Variants in MYH4 observed in about 807,000 individuals in gnomAD.
MYH4 encodes myosin heavy chain 4, also known as myosin-4.
In MYH4, 200 loss-of-function variants were observed where a neutral mutation model predicts 229.9. The ratio of observed to expected loss-of-function variants is 0.87; its 90% CI spans 0.78 to 0.98. The LOEUF is 0.98. Among genes scored for constraint, MYH4 ranks in the 50% least tolerant of loss-of-function variants. The pLI is 0.00. For missense variants in MYH4, 2,148 were observed against 2,332.6 expected, an observed-to-expected ratio of 0.92 and a Z score of 1.63; for synonymous variants, 761 against 834.6, an observed-to-expected ratio of 0.91 and a Z score of 1.52.
Position 10,459,403 on chromosome 17 carries a change from G to C in MYH4, c.1435C>G (p.Leu479Val). ...TTCTCGTTGGTGAAGTTGATGCACAGCTGCTCCAGGCTGTTGAACTACAGA... is the reference window on the plus strand; with the variant it reads ...TTCTCGTTGGTGAAGTTGATGCACACCTGCTCCAGGCTGTTGAACTACAGA... Reference protein sequence around the residue: ...EIFDFNSLEQLCINFTNEKLQ... With the variant: ...EIFDFNSLEQVCINFTNEKLQ... The change falls in exon 15 of 40, where the codon CTG becomes GTG. Residue 479 changes from leucine to valine, a missense_variant. By Grantham distance (32) the Leu-to-Val change is conservative. Coordinates refer to ENST00000255381, the MANE Select transcript of MYH4 (RefSeq NM_017533.2). 6.2e-7 allele frequency: 1 copy of C among 1,614,134 alleles called. No individual in the cohort carries two copies. Among genetic ancestry groups the C allele is most frequent in the African/African-American group, 1.3e-5 (1 of 75,034 alleles).
chr17:10,448,579 C>T lies in MYH4; in HGVS notation c.4531+39G>A, dbSNP rs573607451. The T allele has an allele frequency of 5.0e-5, 81 of 1,610,710 alleles. No homozygotes were observed. The East Asian group carries it at 1.8e-3, about 35-fold the overall frequency. ...AGAAAGAAAAATTGAAAAGATGTCT[C>T]CCTACCATTTTTGAAATAGAATGAT... On this transcript the variant is annotated intron_variant, in intron 32 of 39. Coordinates refer to ENST00000255381, the MANE Select transcript of MYH4 (RefSeq NM_017533.2).
chr17:10,448,638 C>T lies in MYH4; in HGVS notation c.4511G>A (p.Arg1504Gln), dbSNP rs372199278. The T allele has an allele frequency of 1.8e-5, 29 of 1,613,856 alleles. No individual in the cohort carries two copies. Among genetic ancestry groups the T allele is most frequent in the South Asian group, 6.6e-5 (6 of 91,064 alleles). Residue 1504 changes from arginine (R) to glutamine (Q), a missense_variant, in exon 32 of 40, where the codon CGA becomes CAA. Arg to Gln is a conservative substitution (Grantham distance 43, BLOSUM62 1). Coordinates refer to ENST00000255381, the MANE Select transcript of MYH4 (RefSeq NM_017533.2). The part of the protein sequence containing the change: ...ESLDHLETLK[R>Q]ENKNLQQEIS... ...CTCACGTTGTAAGTTCTTATTCTCTCGCTTTAGAGTTTCAAGATGATCCAG... is the reference window on the plus strand; with the variant it reads ...CTCACGTTGTAAGTTCTTATTCTCTTGCTTTAGAGTTTCAAGATGATCCAG...
intron 27 of MYH4, 126 bp from the exon 28 acceptor site, chr17:10,451,578 G>A (rs1247723706): frequency 3.7e-6 from 4 of 1,080,696 alleles, no homozygotes; most frequent in South Asian, 3.5e-5. Flanking sequence ...ATCTTGCATG[G>A]TGGCTATAAA....
In MYH4 at chr17:10,448,984, A is replaced by C; in HGVS notation, c.4245T>G (p.Cys1415Trp). 1 of 1,614,170 alleles carries C rather than the reference A, an allele frequency of 6.2e-7. No homozygotes were observed. The highest frequency in any genetic ancestry group is 1.3e-5 in the African/African-American group (1 of 75,062). Residue 1415 changes from cysteine (C) to tryptophan (W), a missense_variant, in exon 31 of 40, where the codon TGT becomes TGG. By Grantham distance (215) the Cys-to-Trp change is radical. Transcript: ENST00000255381. ...TCTGCTTTGTCTTTTCAAGAGAAGCACATTTGGAATTCACAGCTTCTACAT... is the reference window on the plus strand; with the variant it reads ...TCTGCTTTGTCTTTTCAAGAGAAGCCCATTTGGAATTCACAGCTTCTACAT... ...EEHVEAVNSK[C>W]ASLEKTKQRL...
rs2072578995 is a variant in MYH4, at chr17:10,452,005, T to A, written c.3674A>T (p.Lys1225Met). ...ATTGATCTCCATCTTCAGCTCACTC[T>A]TTTCCTTCTCCAGCTTCTGCTTGAC... The part of the protein sequence containing the change: ...QRVKQKLEKE[K>M]SELKMEINDL... Residue 1225 changes from lysine to methionine, a missense_variant, in exon 27 of 40, where the codon AAG becomes ATG. Physicochemically the swap from Lys to Met is moderately conservative, Grantham distance 95. Coordinates refer to ENST00000255381, the MANE Select transcript of MYH4 (RefSeq NM_017533.2). 3 of 1,613,690 alleles carry A rather than the reference T, an allele frequency of 1.9e-6. No individual in the cohort carries two copies. The highest frequency in any genetic ancestry group is 1.1e-5 in the South Asian group (1 of 91,060).
At position 10,443,518 on chromosome 17, in the gene MYH4, A is replaced by G; in HGVS notation, c.5677T>C (p.Ser1893Pro). 6.2e-7 allele frequency: 1 copy of G among 1,613,598 alleles called. No homozygotes were observed. The highest frequency in any genetic ancestry group is 8.5e-7 in the Non-Finnish European group (1 of 1,179,840). The change falls in exon 40 of 40, where the codon TCC (serine) becomes CCC (proline). Residue 1893 changes from serine to proline, a missense_variant. Ser to Pro is a moderately conservative substitution (Grantham distance 74, BLOSUM62 -1). Coordinates refer to ENST00000255381, the MANE Select transcript of MYH4 (RefSeq NM_017533.2). This position sits in a 1 kb window ranked among gnomAD's most constrained non-coding sequence, Gnocchi z 4.6. ...CGGAACTTGGCAAGGTTGACATTGG[A>G]TTGTTCCTCCTGAGAACAGAGATGC... ...KRQAEEAEEQSNVNLAKFRKL... is the reference protein window; with the variant it reads ...KRQAEEAEEQPNVNLAKFRKL...
rs763046982 is a variant in MYH4 at position 10,450,786 on chromosome 17, C to A, written c.3975G>T (p.Glu1325Asp). 1.2e-6 allele frequency: 2 copies of A among 1,613,580 alleles called. No homozygotes were observed. Among genetic ancestry groups the A allele is most frequent in the Admixed American group, 3.3e-5 (2 of 60,012 alleles). Residue 1325 changes from glutamate to aspartate, a missense_variant, in exon 29 of 40, where the codon GAG (glutamate) becomes GAT (aspartate). Coordinates refer to ENST00000255381, the MANE Select transcript of MYH4 (RefSeq NM_017533.2). ...QIEELKRQLEEETKAKSTLAH... is the reference protein window; with the variant it reads ...QIEELKRQLEDETKAKSTLAH... ...GCTGGAGAATTCTCACCTTAGTCTC[C>A]TCTTCTAGCTGCCTCTTTAATTCTT...
intron 17 of MYH4, 127 bp from the exon 18 acceptor site, chr17:10,456,028 G>C: frequency 8.5e-7 from 1 of 1,173,510 alleles, no homozygotes; most frequent in Non-Finnish European, 1.2e-6. Context: ...TATCATAACA[G>C]AGAGGAATCA....
At position 10,463,557 on chromosome 17, in the gene MYH4, AGAG is replaced by A. The variant is rs755772302; in HGVS notation, c.732_734del (p.Ser245del). On this transcript the variant is annotated inframe_deletion, in exon 8 of 40. Coordinates refer to ENST00000255381, the MANE Select transcript of MYH4 (RefSeq NM_017533.2). ...TGAAGATCAAGAGACTTACAAAGCG[AGAG>A]GAGTTGTCATTCCTCACGGTCTTGG... 52 of 1,611,318 alleles carry A rather than the reference AGAG, an allele frequency of 3.2e-5. No individual in the cohort carries two copies. Among genetic ancestry groups the A allele is most frequent in the Non-Finnish European group, 4.2e-5 (49 of 1,177,526 alleles).
rs751094422 is a variant in MYH4 at position 10,444,911 on chromosome 17, C to A, written c.5467-12G>T. 6.2e-7 allele frequency: 1 copy of A among 1,614,106 alleles called. No individual in the cohort carries two copies. Among genetic ancestry groups the A allele is most frequent in the Non-Finnish European group, 8.5e-7 (1 of 1,180,016 alleles). On this transcript the variant is annotated splice_polypyrimidine_tract_variant and intron_variant, in intron 37 of 39. Transcript: ENST00000255381. ...TCAAGCTCTCTCACCTGGAAGGGAA[C>A]AAAGACGTTTACCAGTTTGGCTGTA...
At position 10,453,927 on chromosome 17, in the gene MYH4, T is replaced by A. The variant is rs1299935150; in HGVS notation, c.2692-42A>T. 2.5e-6 allele frequency: 4 copies of A among 1,609,650 alleles called. No individual in the cohort carries two copies. The South Asian group carries it at 4.4e-5, about 18-fold the overall frequency. The stretch of plus-strand genomic sequence containing the variant: ...AGCATTTTCATTTGTCTGAGCTATA[T>A]CTATAAGCACACAATAATTTATTAT... On this transcript the variant is annotated intron_variant, in intron 22 of 39. Coordinates refer to ENST00000255381, the MANE Select transcript of MYH4 (RefSeq NM_017533.2).
At chr17:10,446,728 G>T (rs368042965) in intron 35 of MYH4, among the ~76,000 whole-genome samples, 11 of 152,180 alleles carry the variant, frequency 7.2e-5, no homozygotes, top group African/African-American at 1.9e-4. Flanking sequence ...CATAAGACAA[G>T]ACAGCTACAA....
In MYH4 at chr17:10,466,304, A is replaced by C; in HGVS notation, c.317T>G (p.Leu106Arg). ...HLHEPAVLYN[L>R]KERYAAWMIY... is the part of the protein sequence containing the mutation. ...CATCCAGGCTGCGTAACGCTCTTTG[A>C]GGTTATACAGCACAGCAGGCTCATG... Residue 106 changes from leucine (L) to arginine (R), a missense_variant, in exon 4 of 40, where the codon CTC (leucine) becomes CGC (arginine). By Grantham distance (102) the Leu-to-Arg change is moderately radical. Coordinates refer to ENST00000255381, the MANE Select transcript of MYH4 (RefSeq NM_017533.2). 1.2e-6 allele frequency: 2 copies of C among 1,614,094 alleles called. No homozygotes were observed. The highest frequency in any genetic ancestry group is 1.7e-6 in the Non-Finnish European group (2 of 1,180,016).
rs139449510 is a variant in MYH4, at chr17:10,448,916, C to A, written c.4313G>T (p.Arg1438Leu). The change falls in exon 31 of 40, where the codon CGA (arginine) becomes CTA (leucine). Residue 1438 changes from arginine to leucine, a missense_variant. Arg to Leu is a moderately radical substitution (Grantham distance 102). Transcript: ENST00000255381. ...GAGAGCTATGCAGGCAGCATTAGAT[C>A]GTTCCACATCAATCATGAGGTCCTC... ...EVEDLMIDVE[R>L]SNAACIALDK... is the part of the protein sequence containing the mutation. 5 of 1,614,154 alleles carry A rather than the reference C, an allele frequency of 3.1e-6. No homozygotes were observed. The South Asian group carries it at 5.5e-5, about 18-fold the overall frequency.
chr17:10,459,186 G>A (rs754328824), intron 15 of MYH4, 65 bp downstream of exon 15: 10 of 1,612,604 alleles, frequency 6.2e-6, no homozygotes, highest in Middle Eastern at 1.7e-4. Context: ...CAGGGAGTGT[G>A]ATTAAGCACA....
chr17:10,453,776 T>G lies in MYH4; in HGVS notation c.2801A>C (p.Glu934Ala), dbSNP rs760184385. The change falls in exon 23 of 40, where the codon GAA (glutamate) becomes GCA (alanine). Residue 934 changes from glutamate to alanine, a missense_variant. Physicochemically the swap from Glu to Ala is moderately radical, Grantham distance 107 (BLOSUM62 -1). Transcript: ENST00000255381. ...GGCTGTCAGCTCAGCATTGATCTCT[T>G]CCTCATCCTCAGCTCTTTCAGTTAC... ...KEVTERAEDE[E>A]EINAELTAKK... The G allele has an allele frequency of 6.2e-7, 1 of 1,614,130 alleles. No homozygotes were observed. Among genetic ancestry groups the G allele is most frequent in the South Asian group, 1.1e-5 (1 of 91,082 alleles).
intron 2 of MYH4, among the ~76,000 whole-genome samples, chr17:10,467,152 T>G (rs1175548015): frequency 6.6e-6 from 1 of 152,180 alleles, no homozygotes. Flanking sequence ...CCTCTTAACA[T>G]CGTGATGATA....
intron 7 of MYH4, among the ~76,000 whole-genome samples, chr17:10,464,114 G>T (rs2072733488): frequency 6.6e-6 from 1 of 152,044 alleles, no homozygotes; most frequent in South Asian, 2.1e-4. Flanking sequence ...TGTCATCCAG[G>T]TAATGAGCAT....
In MYH4 at chr17:10,451,415, T is replaced by C. The variant is rs772186066; in HGVS notation, c.3776A>G (p.Gln1259Arg). 2.3e-5 allele frequency: 37 copies of C among 1,614,042 alleles called. 1 individual carries two copies. In the Admixed American group the frequency reaches 6.0e-4, roughly 26 times the overall value. The part of the protein sequence containing the change: ...FEKMCRTLED[Q>R]LSEIKTKEEE... ...TTCCTTTGTTTTTATTTCACTAAGC[T>C]GGTCCTCTAGGGTGCGGCACATTTT... Residue 1259 changes from glutamine to arginine, a missense_variant, in exon 28 of 40, where the codon CAG (glutamine) becomes CGG (arginine). Coordinates refer to ENST00000255381, the MANE Select transcript of MYH4 (RefSeq NM_017533.2).
Sources: gnomAD v4.1 joint callset for allele counts (sites outside exome capture counted in the v4.1 genomes callset) on GRCh38, gnomAD v4.1.1 for gene constraint, Gnocchi (gnomAD v3.1) non-coding constraint, MANE v1.5 for transcripts, NCBI Gene and HGNC (gene_info 2026-07-23, HGNC 2026-07-21) for gene names.